TNRC6A: variants seen among roughly 807,000 people sequenced by gnomAD.
TNRC6A encodes trinucleotide repeat containing adaptor 6A.
Under a neutral mutation model 221.2 loss-of-function variants are expected in TNRC6A, and 44 were observed. That is an observed-to-expected ratio of 0.20 (90% CI 0.16 to 0.26). The LOEUF (loss-of-function observed/expected upper bound fraction) is 0.26. TNRC6A is among the 10% of genes least tolerant of loss of function. The probability of loss-of-function intolerance (pLI) is 1.00; values close to 1 mark genes in which losing one functional copy is unlikely to be tolerated. For missense variants in TNRC6A, 2,199 were observed against 2,404.4 expected, an observed-to-expected ratio of 0.91 and a Z score of 1.79; for synonymous variants, 847 against 838.5, an observed-to-expected ratio of 1.01 and a Z score of -0.18.
chr16:24,704,860 A>T (rs1189129145), intron 2 of TNRC6A, among the ~76,000 whole-genome samples: 1 of 151,760 alleles, frequency 6.6e-6, no homozygotes. Flanking sequence ...ATCTCAGCAC[A>T]CTAGGGCACG....
At chr16:24,732,624 TCTTTTGGTA>T (rs2056670826) in intron 2 of TNRC6A, among the ~76,000 whole-genome samples, 1 of 152,180 alleles carries the variant, frequency 6.6e-6, no homozygotes, top group Admixed American at 6.5e-5. Flanking sequence ...TTTGAAAATT[TCTTTTGGTA>T]GGCGGGACCC....
chr16:24,672,748 GTTC>G (rs1208845378), intron 2 of TNRC6A, among the ~76,000 whole-genome samples: 2 of 146,528 alleles, frequency 1.4e-5, no homozygotes, highest in Non-Finnish European at 3.0e-5. Flanking sequence ...TGCCTGGCCT[GTTC>G]TTCTTAGATG....
At chr16:24,703,905 G>GT (rs1203420620) in intron 2 of TNRC6A, among the ~76,000 whole-genome samples, 1 of 151,654 alleles carries the variant, frequency 6.6e-6, no homozygotes, top group Admixed American at 6.6e-5. Context: ...GCAACATGGC[G>GT]AAACCCCACC....
At chr16:24,636,321 A>G (rs970041866) in intron 1 of TNRC6A, among the ~76,000 whole-genome samples, 7 of 151,944 alleles carry the variant, frequency 4.6e-5, no homozygotes, top group Admixed American at 6.6e-5. Context: ...ACACTCTTCT[A>G]TTATTGTAAT....
intron 5 of TNRC6A, among the ~76,000 whole-genome samples, chr16:24,781,587 A>G (rs2057847230): frequency 1.3e-5 from 2 of 152,036 alleles, no homozygotes; most frequent in South Asian, 4.2e-4. Flanking sequence ...ATCTCGCCAC[A>G]TTTTAGGTCC....
intron 18 of TNRC6A, among the ~76,000 whole-genome samples, chr16:24,811,576 T>G (rs2058544407): frequency 6.6e-6 from 1 of 152,134 alleles, no homozygotes; most frequent in African/African-American, 2.4e-5. Flanking sequence ...GCTAGAATTT[T>G]AAGAGCCTTA....
chr16:24,719,340 G>A (rs537493572), intron 2 of TNRC6A, among the ~76,000 whole-genome samples: 3 of 152,216 alleles, frequency 2.0e-5, no homozygotes, highest in East Asian at 3.9e-4. Flanking sequence ...ACTGGGCAAC[G>A]TAGGGAGATC....
At chr16:24,758,289 C>A (rs767075519) in intron 3 of TNRC6A, 50 bp from the exon 4 acceptor site, 1 of 1,546,468 alleles carries the variant, frequency 6.5e-7, no homozygotes, top group Non-Finnish European at 8.9e-7. Context: ...CAGTCCATTT[C>A]TTTCAGTTTC....
intron 2 of TNRC6A, among the ~76,000 whole-genome samples, chr16:24,644,231 C>A (rs897129571): frequency 2.6e-5 from 4 of 151,070 alleles, no homozygotes; most frequent in Non-Finnish European, 4.4e-5. Context: ...GGACTACAGG[C>A]GCCCGCCACC....
At chr16:24,618,567 G>A (rs986827415) in intron 1 of TNRC6A, among the ~76,000 whole-genome samples, 2 of 151,872 alleles carry the variant, frequency 1.3e-5, no homozygotes, top group African/African-American at 4.8e-5. Context: ...GATCTATTAG[G>A]GTGAAGAAGG....
intron 1 of TNRC6A, among the ~76,000 whole-genome samples, chr16:24,639,640 G>A (rs542012724): frequency 1.1e-4 from 17 of 152,150 alleles, no homozygotes; most frequent in Admixed American, 2.6e-4. Flanking sequence ...TGTACCAGCC[G>A]CTTTTTTTGT....
intron 1 of TNRC6A, among the ~76,000 whole-genome samples, chr16:24,633,069 G>A (rs1027273499): frequency 6.6e-6 from 1 of 151,252 alleles, no homozygotes; most frequent in South Asian, 2.1e-4. Flanking sequence ...TACATCACCA[G>A]GCACTTGCTT....
At chr16:24,664,547 T>C (rs2055107356) in intron 2 of TNRC6A, among the ~76,000 whole-genome samples, 2 of 143,460 alleles carry the variant, frequency 1.4e-5, no homozygotes, top group Admixed American at 7.2e-5. Context: ...TTTTAAAATA[T>C]AATATATTTT....
chr16:24,621,474 T>G (rs1900672097), intron 1 of TNRC6A, among the ~76,000 whole-genome samples: 1 of 149,966 alleles, frequency 6.7e-6, no homozygotes, highest in African/African-American at 2.5e-5. Context: ...TTCTTGTGCC[T>G]CGGCCTCCCG....
chr16:24,627,697 C>CTTTTTTTTTT (rs57520356), intron 1 of TNRC6A, among the ~76,000 whole-genome samples: 1 of 101,784 alleles, frequency 9.8e-6, no homozygotes, highest in Non-Finnish European at 1.9e-5. Context: ...TCTTTTCTTG[C>CTTTTTTTTTT]TTTTTTTTTT....
At chr16:24,646,259 C>T (rs1290597983) in intron 2 of TNRC6A, among the ~76,000 whole-genome samples, 1 of 152,074 alleles carries the variant, frequency 6.6e-6, no homozygotes, top group African/African-American at 2.4e-5. Context: ...GGCAAGCATT[C>T]CCTTTGTTTC....
In TNRC6A at chr16:24,818,714, T is replaced by G. The variant is rs1226319721; in HGVS notation, c.5080+14T>G. The G allele has an allele frequency of 3.7e-6, 6 of 1,604,366 alleles. No homozygotes were observed. In the Admixed American group the frequency reaches 6.7e-5, roughly 18 times the overall value. The stretch of plus-strand genomic sequence containing the variant: ...AAAGCACTTCAGGTGGGCCTCGCCT[T>G]CGCTCAGGAAGGGAGGGTTGGTCAC... On this transcript the variant is annotated intron_variant, in intron 21 of 24. Transcript: ENST00000395799.
Position 24,729,696 on chromosome 16 carries a change from G to GCGGTGT in TNRC6A, c.-143_-142insTGTCGG, listed in dbSNP as rs1555495672. On this transcript the variant is annotated 5_prime_UTR_variant, in exon 1 of 25. Transcript: ENST00000395799. ...GGCGGCGGCGGTGTCGGCGGCGGCG[G>GCGGTGT]CGGCGGCGGCGGCGGCGGCGGCAGC... 19 of 927,124 alleles carry GCGGTGT rather than the reference G, an allele frequency of 2.0e-5. No homozygotes were observed. In the East Asian group the frequency reaches 5.6e-4, roughly 27 times the overall value. The allele number at this position is 927,124 out of a possible 1,614,324, so 57.4% of individuals were successfully genotyped here.
At chr16:24,756,054 C>A (rs1356896309) in intron 3 of TNRC6A, among the ~76,000 whole-genome samples, 2 of 152,072 alleles carry the variant, frequency 1.3e-5, no homozygotes, top group Admixed American at 1.3e-4. Flanking sequence ...ATGATCAGAG[C>A]ATTTCAAAGT....
Sources: allele counts gnomAD v4.1 joint callset (sites outside exome capture counted in the v4.1 genomes callset), GRCh38; gene constraint gnomAD v4.1.1; transcripts MANE v1.5; gene names NCBI Gene and HGNC (gene_info 2026-07-23, HGNC 2026-07-21).